The following EPHA5 variants were observed in gnomAD, a reference collection of about 807,000 sequenced individuals.
EPHA5 encodes the protein EPH receptor A5, also known as ephrin type-A receptor 5.
Under a neutral mutation model 105.0 loss-of-function variants are expected in EPHA5, and 60 were observed. The ratio of observed to expected loss-of-function variants is 0.57; its 90% CI spans 0.46 to 0.71. The LOEUF (loss-of-function observed/expected upper bound fraction) is 0.71, where lower values mean the gene tolerates loss of function less well. Ranked by LOEUF, EPHA5 falls within the 30% of genes least tolerant of loss-of-function variation. The pLI, the probability that EPHA5 is intolerant of heterozygous loss-of-function variation, is 0.00. For synonymous variants in EPHA5, 513 were observed against 449.1 expected (o/e 1.14, Z -1.80); for missense variants, 1,218 against 1,274.7 (o/e 0.96, Z 0.68).
chr4:65,484,428 T>C (rs995449713), intron 5 of EPHA5, among the ~76,000 whole-genome samples: 5 of 152,070 alleles, frequency 3.3e-5, no homozygotes, highest in African/African-American at 9.7e-5. Context: ...CCCATGAAAG[T>C]ATAGGTAACA....
chr4:65,555,399 CCTAT>C lies in EPHA5; in HGVS notation c.910+46238_910+46241del, dbSNP rs202045913. Among the ~76,000 whole-genome samples the C allele has an allele frequency of 1.8e-4, 27 of 152,048 alleles. 1 individual carries two copies. The East Asian group carries it at 3.9e-3, about 22-fold the overall frequency. ...AATTTACCTTACAAGAAAATGCCCA[CCTAT>C]CTGACTATGAGTATCAGATCAAAAC... On this transcript the variant is annotated intron_variant, in intron 3 of 16. Transcript: ENST00000613740.
At position 65,338,584 on chromosome 4, in the gene EPHA5, C is replaced by T. The variant is rs184116312; in HGVS notation, c.2596-2459G>A. On this transcript the variant is annotated intron_variant, in intron 14 of 16. Coordinates refer to ENST00000613740, the MANE Select transcript of EPHA5 (RefSeq NM_001281766.3). ...ATATTTCTAGAATTTATTTCTTATT[C>T]GGTCTTATTTTCGGGTAAATTTATA... Among the ~76,000 whole-genome samples, 102 of 151,792 alleles carry T rather than the reference C, an allele frequency of 6.7e-4. 1 individual carries two copies. Among genetic ancestry groups the T allele is most frequent in the African/African-American group, 2.4e-3 (98 of 41,400 alleles).
chr4:65,647,535 T>A (rs1273321347), intron 1 of EPHA5, among the ~76,000 whole-genome samples: 2 of 152,032 alleles, frequency 1.3e-5, no homozygotes, highest in Non-Finnish European at 2.9e-5. Context: ...TTGCAATGAA[T>A]ACATGAGTAT....
chr4:65,527,162 C>T (rs1487406463), intron 3 of EPHA5, among the ~76,000 whole-genome samples: 1 of 152,066 alleles, frequency 6.6e-6, no homozygotes, highest in Non-Finnish European at 1.5e-5. Context: ...TGCATATTTA[C>T]TATACTAACA....
intron 3 of EPHA5, among the ~76,000 whole-genome samples, chr4:65,564,619 T>C (rs955922142): frequency 6.6e-6 from 1 of 151,784 alleles, no homozygotes; most frequent in Non-Finnish European, 1.5e-5. Context: ...CTTAGCTACA[T>C]GTACCAAGTT....
Position 65,519,977 on chromosome 4 carries a change from C to T in EPHA5, c.911-24434G>A, listed in dbSNP as rs146908266. ...CCAAAGTAATTTATAGATTTAATGC[C>T]ATCCCCATCAAGCTACCAATGACTT... On this transcript the variant is annotated intron_variant, in intron 3 of 16. Coordinates refer to ENST00000613740, the MANE Select transcript of EPHA5 (RefSeq NM_001281766.3). 9.0e-3 allele frequency among the ~76,000 whole-genome samples: 1,366 copies of T among 152,182 alleles called. 16 individuals carry two copies. The highest frequency in any genetic ancestry group is 0.028 in the East Asian group (146 of 5,168).
chr4:65,408,881 A>T (rs1409975049), intron 7 of EPHA5, among the ~76,000 whole-genome samples: 1 of 152,088 alleles, frequency 6.6e-6, no homozygotes, highest in Non-Finnish European at 1.5e-5. Flanking sequence ...CTATAAAGAC[A>T]CATGCACACA....
At position 65,341,785 on chromosome 4, in the gene EPHA5, C is replaced by T. The variant is rs1560429364; in HGVS notation, c.2596-5660G>A. Among the ~76,000 whole-genome samples the T allele has an allele frequency of 4.0e-5, 6 of 151,844 alleles. 1 individual carries two copies. In the South Asian group the frequency reaches 1.2e-3, roughly 31 times the overall value. Reference sequence around the variant, plus strand: ...TGTGTTTCCATGAATTAAGTTCTATCTAGGGCTTGAGTACCTATGTTGCTA... The same window carrying T: ...TGTGTTTCCATGAATTAAGTTCTATTTAGGGCTTGAGTACCTATGTTGCTA... On this transcript the variant is annotated intron_variant, in intron 14 of 16. Transcript: ENST00000613740.
intron 8 of EPHA5, 124 bp from the exon 9 acceptor site, chr4:65,367,548 G>T: frequency 1.2e-6 from 1 of 803,782 alleles, no homozygotes; most frequent in Non-Finnish European, 2.1e-6. Flanking sequence ...CTAGTAGTTT[G>T]GAATGATGCC....
intron 4 of EPHA5, among the ~76,000 whole-genome samples, chr4:65,491,986 C>T (rs951727472): frequency 6.6e-6 from 1 of 152,040 alleles, no homozygotes; most frequent in Non-Finnish European, 1.5e-5. Context: ...GACATCTCTC[C>T]TTACAGAGAA....
rs10033757 is a variant in EPHA5, at chr4:65,418,856, T to C, written c.1527+1585A>G. On this transcript the variant is annotated intron_variant, in intron 6 of 16. Coordinates refer to ENST00000613740, the MANE Select transcript of EPHA5 (RefSeq NM_001281766.3). ...CAAATTAACATTCAATACACTTACC[T>C]AAACTCTTTTTTTTTTTTTTTTTTT... Among the ~76,000 whole-genome samples the C allele has an allele frequency of 6.6e-3, 879 of 132,614 alleles. 15 individuals carry two copies. Among genetic ancestry groups the C allele is most frequent in the African/African-American group, 0.023 (852 of 36,372 alleles). The allele number at this position is 132,614 out of a possible 152,430, so 87.0% of individuals were successfully genotyped here.
At chr4:65,352,941 G>A (rs1174215090) in intron 12 of EPHA5, 101 bp downstream of exon 12, 3 of 659,586 alleles carry the variant, frequency 4.5e-6, no homozygotes, top group Admixed American at 3.2e-5. Flanking sequence ...AAGCTTTAAA[G>A]TGGCCCAAAT....
At chr4:65,417,043 C>T (rs1299889472) in intron 6 of EPHA5, among the ~76,000 whole-genome samples, 7 of 152,218 alleles carry the variant, frequency 4.6e-5, no homozygotes, top group Non-Finnish European at 1.0e-4. Flanking sequence ...GCTTAGCAAA[C>T]ACTGTTCACA....
intron 5 of EPHA5, among the ~76,000 whole-genome samples, chr4:65,454,339 G>C (rs1300329341): frequency 6.6e-6 from 1 of 151,862 alleles, no homozygotes; most frequent in African/African-American, 2.4e-5. Context: ...CTATGCAATG[G>C]TCCTCAGCAA....
At chr4:65,410,689 G>A (rs1469943085) in intron 7 of EPHA5, among the ~76,000 whole-genome samples, 1 of 152,160 alleles carries the variant, frequency 6.6e-6, no homozygotes, top group Non-Finnish European at 1.5e-5. Flanking sequence ...TTACCATGGT[G>A]AAAACTAGGT....
chr4:65,623,765 G>C (rs1745904049), intron 2 of EPHA5, among the ~76,000 whole-genome samples: 1 of 152,100 alleles, frequency 6.6e-6, no homozygotes, highest in African/African-American at 2.4e-5. Context: ...CTACTAATAT[G>C]AGTATCATCA....
At chr4:65,501,079 A>G (rs930890537) in intron 3 of EPHA5, among the ~76,000 whole-genome samples, 1 of 151,442 alleles carries the variant, frequency 6.6e-6, no homozygotes, top group African/African-American at 2.4e-5. Flanking sequence ...AAAATAAGGT[A>G]CTCAGAAGAT....
chr4:65,379,465 G>A (rs1005515669), intron 8 of EPHA5, among the ~76,000 whole-genome samples: 1 of 151,538 alleles, frequency 6.6e-6, no homozygotes, highest in South Asian at 2.1e-4. Context: ...CATAAAAATT[G>A]CTTTAGATAA....
chr4:65,458,299 T>C (rs1436800576), intron 5 of EPHA5, among the ~76,000 whole-genome samples: 2 of 152,146 alleles, frequency 1.3e-5, no homozygotes, highest in Admixed American at 1.3e-4. Flanking sequence ...TATTCTAGTA[T>C]TGAAGCCCTC....
Sources: allele counts gnomAD v4.1 joint callset (sites outside exome capture counted in the v4.1 genomes callset), GRCh38; gene constraint gnomAD v4.1.1; transcripts MANE v1.5; gene names NCBI Gene and HGNC (gene_info 2026-07-23, HGNC 2026-07-21).